MOB3B: variants seen among roughly 807,000 people sequenced by gnomAD.
MOB3B encodes the protein MOB kinase activator 3B.
Under a neutral mutation model 18.7 loss-of-function variants are expected in MOB3B, and 7 were observed. The ratio of observed to expected loss-of-function variants is 0.37; its 90% CI spans 0.21 to 0.70. The LOEUF is 0.70. Among genes scored for constraint, MOB3B ranks in the 30% least tolerant of loss-of-function variants. The pLI, the probability that MOB3B is intolerant of heterozygous loss-of-function variation, is 0.52. For synonymous variants in MOB3B, 111 were observed against 99.9 expected, an observed-to-expected ratio of 1.11 and a Z score of -0.66; for missense variants, 253 against 281.3, an observed-to-expected ratio of 0.90 and a Z score of 0.72.
At chr9:27,520,893 A>G (rs968734458) in intron 1 of MOB3B, among the ~76,000 whole-genome samples, 1 of 152,220 alleles carries the variant, frequency 6.6e-6, no homozygotes, top group Admixed American at 6.5e-5. Context: ...AAAACAATGA[A>G]TGACTTTTTA....
chr9:27,329,182 C>G lies in MOB3B; in HGVS notation c.*1405G>C, dbSNP rs113066207. 6 of 152,134 alleles carry G rather than the reference C, an allele frequency of 3.9e-5. No individual in the cohort carries two copies. The highest frequency in any genetic ancestry group is 1.4e-4 in the African/African-American group (6 of 41,416). The allele number at this position is 152,134 out of a possible 1,614,324, so 9.4% of individuals were successfully genotyped here. ...TTACTTTAAAATACACTAATACATT[C>G]TTATCTACTTCCCTCCACCGACAAA... On this transcript the variant is annotated 3_prime_UTR_variant, in exon 4 of 4. Coordinates refer to ENST00000262244, the MANE Select transcript of MOB3B (RefSeq NM_024761.5).
At chr9:27,496,458 C>A (rs1819901841) in intron 1 of MOB3B, among the ~76,000 whole-genome samples, 1 of 152,194 alleles carries the variant, frequency 6.6e-6, no homozygotes, top group Non-Finnish European at 1.5e-5. Flanking sequence ...TCTTTTGTTG[C>A]AAAGTGGGAC....
chr9:27,515,186 C>G (rs1820213278), intron 1 of MOB3B, among the ~76,000 whole-genome samples: 2 of 152,162 alleles, frequency 1.3e-5, no homozygotes, highest in African/African-American at 4.8e-5. Flanking sequence ...CTTCATCTTG[C>G]TTTTTTACTG....
intron 3 of MOB3B, among the ~76,000 whole-genome samples, chr9:27,347,043 T>C (rs1821039240): frequency 6.6e-6 from 1 of 152,080 alleles, no homozygotes; most frequent in Admixed American, 6.6e-5. Context: ...ATAAACAAAG[T>C]AAAAGGAAAG....
chr9:27,406,039 C>A (rs1359970591), intron 2 of MOB3B, among the ~76,000 whole-genome samples: 3 of 152,138 alleles, frequency 2.0e-5, no homozygotes, highest in African/African-American at 7.2e-5. Context: ...ACTTTCATCA[C>A]TTTTACTCAA....
intron 3 of MOB3B, among the ~76,000 whole-genome samples, chr9:27,356,473 T>C (rs1244341482): frequency 6.6e-6 from 1 of 152,246 alleles, no homozygotes; most frequent in African/African-American, 2.4e-5. Context: ...TCTTCAATTA[T>C]AGAAAATAAC....
chr9:27,503,132 G>T (rs1057205343), intron 1 of MOB3B, among the ~76,000 whole-genome samples: 6 of 152,118 alleles, frequency 3.9e-5, no homozygotes, highest in African/African-American at 1.4e-4. Flanking sequence ...AAGAGCTAGG[G>T]GTGACTAGAC....
At chr9:27,371,989 T>A (rs1821423462) in intron 2 of MOB3B, among the ~76,000 whole-genome samples, 2 of 152,214 alleles carry the variant, frequency 1.3e-5, no homozygotes, top group African/African-American at 2.4e-5. Flanking sequence ...AGCTTAATTT[T>A]AAAAATTCAA....
At chr9:27,402,003 A>G (rs1821892769) in intron 2 of MOB3B, among the ~76,000 whole-genome samples, 1 of 152,226 alleles carries the variant, frequency 6.6e-6, no homozygotes, top group South Asian at 2.1e-4. Context: ...ACAGAACCTT[A>G]GAGTCAAATA....
At chr9:27,368,143 C>T (rs1246911599) in intron 2 of MOB3B, among the ~76,000 whole-genome samples, 2 of 152,036 alleles carry the variant, frequency 1.3e-5, no homozygotes, top group Non-Finnish European at 2.9e-5. Flanking sequence ...ACACCATTTC[C>T]AAAATACTTG....
intron 1 of MOB3B, among the ~76,000 whole-genome samples, chr9:27,484,163 G>T (rs1161299674): frequency 6.6e-6 from 1 of 152,206 alleles, no homozygotes; most frequent in Non-Finnish European, 1.5e-5. Context: ...TATCACAGTT[G>T]TCTGGAGCTG....
Position 27,330,452 on chromosome 9 carries a change from G to T in MOB3B, c.*135C>A, listed in dbSNP as rs542715696. On this transcript the variant is annotated 3_prime_UTR_variant, in exon 4 of 4. Transcript: ENST00000262244. ...CAAAGTGAGTGGGGAATGTCTCTCA[G>T]GAGTCACTGCTTGCCTCCACCTCTG... The T allele has an allele frequency of 1.1e-5, 12 of 1,122,738 alleles. No homozygotes were observed. In the African/African-American group the frequency reaches 1.9e-4, roughly 18 times the overall value. The allele number at this position is 1,122,738 out of a possible 1,614,324, so 69.5% of individuals were successfully genotyped here.
At chr9:27,431,697 G>T (rs1822419974) in intron 2 of MOB3B, among the ~76,000 whole-genome samples, 1 of 152,214 alleles carries the variant, frequency 6.6e-6, no homozygotes, top group South Asian at 2.1e-4. Flanking sequence ...AGGTGACTGG[G>T]GATGTGTGAA....
At chr9:27,415,476 G>A (rs1444110445) in intron 2 of MOB3B, among the ~76,000 whole-genome samples, 1 of 151,124 alleles carries the variant, frequency 6.6e-6, no homozygotes, top group Non-Finnish European at 1.5e-5. Flanking sequence ...TAAAACATAA[G>A]AAAAAATAGG....
chr9:27,527,021 C>T (rs1049403588), intron 1 of MOB3B, among the ~76,000 whole-genome samples: 7 of 149,836 alleles, frequency 4.7e-5, no homozygotes, highest in Non-Finnish European at 1.0e-4. Flanking sequence ...GAAATTTATT[C>T]CAAGGAAATA....
intron 1 of MOB3B, among the ~76,000 whole-genome samples, chr9:27,471,882 T>C (rs1050638637): frequency 1.3e-5 from 2 of 152,122 alleles, no homozygotes; most frequent in African/African-American, 4.8e-5. Context: ...TGCAGGATTG[T>C]GGTGATCAAC....
chr9:27,419,873 CAG>C (rs1243431988), intron 2 of MOB3B, among the ~76,000 whole-genome samples: 12 of 152,178 alleles, frequency 7.9e-5, no homozygotes, highest in African/African-American at 2.9e-4. Context: ...AGAAAACCCA[CAG>C]AGTGGGAGAA....
At chr9:27,509,021 G>A (rs980224886) in intron 1 of MOB3B, among the ~76,000 whole-genome samples, 14 of 152,154 alleles carry the variant, frequency 9.2e-5, no homozygotes, top group African/African-American at 3.1e-4. Context: ...GATGTCTGCC[G>A]TGGCATTATG....
At chr9:27,332,774 C>G (rs1571648) in intron 3 of MOB3B, among the ~76,000 whole-genome samples, 125,186 of 152,148 alleles carry the variant, frequency 0.82, 51,584 homozygotes, top group Admixed American at 0.87. Flanking sequence ...GAGGAAAAAC[C>G]CTCAGGGAAG....
Sources: allele counts gnomAD v4.1 joint callset (sites outside exome capture counted in the v4.1 genomes callset), GRCh38; gene constraint gnomAD v4.1.1; transcripts MANE v1.5; gene names NCBI Gene and HGNC (gene_info 2026-07-23, HGNC 2026-07-21).